GLYR1: variants seen among roughly 807,000 people sequenced by gnomAD.
The protein encoded by GLYR1 is cytokine-like nuclear factor N-PAC.
GLYR1 carries 21 observed loss-of-function variants against 72.7 expected under a neutral mutation model. That is an observed-to-expected ratio of 0.29 (90% CI 0.20 to 0.42). The LOEUF is 0.42. Ranked by LOEUF, GLYR1 falls within the 10% of genes least tolerant of loss-of-function variation. The probability of loss-of-function intolerance (pLI) is 1.00; values close to 1 mark genes in which losing one functional copy is unlikely to be tolerated. For synonymous variants in GLYR1, 392 were observed against 270.2 expected, an observed-to-expected ratio of 1.45 and a Z score of -4.42; for missense variants, 594 against 712.1, an observed-to-expected ratio of 0.83 and a Z score of 1.89.
At chr16:4,829,785 G>T (rs113163417) in intron 5 of GLYR1, among the ~76,000 whole-genome samples, 133 of 152,118 alleles carry the variant, frequency 8.7e-4, no homozygotes, top group African/African-American at 3.1e-3. Flanking sequence ...TGATTCTCCT[G>T]CCTCATCCTC....
chr16:4,821,729 CA>C, intron 7 of GLYR1, 132 bp from the exon 8 acceptor site: 1 of 775,432 alleles, frequency 1.3e-6, no homozygotes, highest in Non-Finnish European at 2.2e-6. Context: ...TAGTGAACTC[CA>C]AATTTTACAC....
intron 11 of GLYR1, 159 bp from the exon 12 acceptor site, chr16:4,813,997 G>C (rs2083473500): frequency 1.9e-6 from 1 of 527,580 alleles, no homozygotes; most frequent in South Asian, 2.8e-5. Context: ...GGATAGAAAA[G>C]TACTTCCCGC....
Position 4,832,135 on chromosome 16 carries a change from G to C in GLYR1, c.381C>G (p.Arg127=). 1 of 1,614,130 alleles carries C rather than the reference G, an allele frequency of 6.2e-7. No individual in the cohort carries two copies. The highest frequency in any genetic ancestry group is 1.1e-5 in the South Asian group (1 of 91,080). The change falls in exon 5 of 16, where the codon CGC becomes CGG. Residue 127 remains arginine (R), a synonymous_variant. Transcript: ENST00000321919. ...RSRPNSGDEK[R]KLSLSEGKVK... The stretch of plus-strand genomic sequence containing the variant: ...CCTTCCCTTCAGACAGGCTAAGTTT[G>C]CGCTTCTCATCACCTGAGTTTGGCC...
chr16:4,831,117 G>T lies in GLYR1; in HGVS notation c.537+862C>A, dbSNP rs531852315. 4.6e-5 allele frequency among the ~76,000 whole-genome samples: 7 copies of T among 152,284 alleles called. No homozygotes were observed. The South Asian group carries it at 1.4e-3, about 32-fold the overall frequency. On this transcript the variant is annotated intron_variant, in intron 5 of 15. Transcript: ENST00000321919. Reference sequence around the variant, plus strand: ...TGATGACCACTTTCCCAGGAATGAAGATGGAAATCCTCTTTTCCTTTTTCT... The same window carrying T: ...TGATGACCACTTTCCCAGGAATGAATATGGAAATCCTCTTTTCCTTTTTCT...
chr16:4,828,663 G>A (rs777614993), intron 5 of GLYR1, among the ~76,000 whole-genome samples: 1 of 152,018 alleles, frequency 6.6e-6, no homozygotes, highest in Admixed American at 6.6e-5. Context: ...CAAACCTAAA[G>A]AACTGATCAA....
At chr16:4,817,114 T>C (rs1300427653) in intron 10 of GLYR1, among the ~76,000 whole-genome samples, 2 of 151,322 alleles carry the variant, frequency 1.3e-5, no homozygotes, top group African/African-American at 2.4e-5. Context: ...CAGCTAATTT[T>C]TGTATTTTCT....
intron 3 of GLYR1, among the ~76,000 whole-genome samples, chr16:4,837,235 C>T (rs2085197863): frequency 6.6e-6 from 1 of 152,078 alleles, no homozygotes; most frequent in African/African-American, 2.4e-5. Flanking sequence ...AATTCGACAC[C>T]AGCCTGGCCA....
Position 4,811,148 on chromosome 16 carries a change from G to A in GLYR1, c.1587+22C>T, listed in dbSNP as rs752253162. ...GAAAAAGAAACTGAAGGGCCTTGGGGCTTGGGCCACATCTACCCTACCTCA... is the reference window on the plus strand; with the variant it reads ...GAAAAAGAAACTGAAGGGCCTTGGGACTTGGGCCACATCTACCCTACCTCA... On this transcript the variant is annotated intron_variant, in intron 15 of 15. Coordinates refer to ENST00000321919, the MANE Select transcript of GLYR1 (RefSeq NM_032569.4). 9 of 1,607,414 alleles carry A rather than the reference G, an allele frequency of 5.6e-6. No homozygotes were observed. The African/African-American group carries it at 9.4e-5, about 17-fold the overall frequency.
At chr16:4,828,752 G>A (rs964414986) in intron 5 of GLYR1, among the ~76,000 whole-genome samples, 1 of 152,046 alleles carries the variant, frequency 6.6e-6, no homozygotes, top group Non-Finnish European at 1.5e-5. Flanking sequence ...TAGGAGGCAC[G>A]TACTGTTGTA....
chr16:4,843,255 G>A (rs901237164), intron 3 of GLYR1: 3 of 210,766 alleles, frequency 1.4e-5, no homozygotes, highest in Non-Finnish European at 2.9e-5. Flanking sequence ...CCTGGGTTCA[G>A]GCAATTCTCG....
intron 6 of GLYR1, among the ~76,000 whole-genome samples, chr16:4,823,568 TAGA>T (rs1420277179): frequency 1.3e-5 from 2 of 152,150 alleles, no homozygotes; most frequent in Admixed American, 6.6e-5. Context: ...TAAAAAAAAC[TAGA>T]CATAGGTCTA....
At chr16:4,809,188 GTTTTTTTTT>G (rs1263215689) in intron 15 of GLYR1, among the ~76,000 whole-genome samples, 1 of 95,246 alleles carries the variant, frequency 1.0e-5, no homozygotes, top group Non-Finnish European at 2.0e-5. Context: ...AGCAGCTTTC[GTTTTTTTTT>G]TTTTTTTTTT....
At chr16:4,815,909 G>A (rs998196284) in intron 10 of GLYR1, among the ~76,000 whole-genome samples, 52 of 151,960 alleles carry the variant, frequency 3.4e-4, no homozygotes, top group African/African-American at 1.2e-3. Context: ...AGCCTCCCGA[G>A]TAGCTGGGAC....
chr16:4,810,645 C>G (rs2083270641), intron 15 of GLYR1, among the ~76,000 whole-genome samples: 2 of 127,444 alleles, frequency 1.6e-5, no homozygotes, highest in African/African-American at 3.0e-5. Flanking sequence ...GGGCAGATCA[C>G]GAGGTCAGGA....
intron 2 of GLYR1, 112 bp from the exon 3 acceptor site, chr16:4,845,265 GACTT>G (rs2085919644): frequency 1.4e-6 from 1 of 700,760 alleles, no homozygotes; most frequent in Non-Finnish European, 2.5e-6. Flanking sequence ...AAATTAAAAG[GACTT>G]ACTTACAAAT....
At chr16:4,806,829 T>G (rs1027916318) in intron 15 of GLYR1, among the ~76,000 whole-genome samples, 1 of 147,892 alleles carries the variant, frequency 6.8e-6, no homozygotes, top group Non-Finnish European at 1.5e-5. Flanking sequence ...TGAGATGGAG[T>G]CTTGCTCTGT....
intron 12 of GLYR1, among the ~76,000 whole-genome samples, chr16:4,813,442 CA>C (rs1168158215): frequency 6.6e-6 from 1 of 152,172 alleles, no homozygotes; most frequent in Non-Finnish European, 1.5e-5. Context: ...GTGTCAAATG[CA>C]GACAGCTGCT....
chr16:4,839,810 A>G (rs1175041436), intron 3 of GLYR1: 1 of 152,218 alleles, frequency 6.6e-6, no homozygotes, highest in Admixed American at 6.5e-5. Context: ...GCTCTTTAAT[A>G]AAAGACCTTG....
rs546614562 is a variant in GLYR1, at chr16:4,837,909, G to A, written c.156-4997C>T. ...TCGTGCCACTGCATTCCAGCCTGGCGACAGAGCGAGACTCCATCTCAAAAA... is the reference window on the plus strand; with the variant it reads ...TCGTGCCACTGCATTCCAGCCTGGCAACAGAGCGAGACTCCATCTCAAAAA... On this transcript the variant is annotated intron_variant, in intron 3 of 15. Coordinates refer to ENST00000321919, the MANE Select transcript of GLYR1 (RefSeq NM_032569.4). Among the ~76,000 whole-genome samples, 246 of 151,192 alleles carry A rather than the reference G, an allele frequency of 1.6e-3. 2 individuals are homozygous for A. Among genetic ancestry groups the A allele is most frequent in the African/African-American group, 5.8e-3 (238 of 41,090 alleles).
Sources: allele counts gnomAD v4.1 joint callset (sites outside exome capture counted in the v4.1 genomes callset), GRCh38; gene constraint gnomAD v4.1.1; transcripts MANE v1.5; gene names NCBI Gene and HGNC (gene_info 2026-07-23, HGNC 2026-07-21).